Variants in NCOR1 observed in about 807,000 individuals in gnomAD.
The protein encoded by NCOR1 is nuclear receptor corepressor 1.
In NCOR1, 63 loss-of-function variants were observed where a neutral mutation model predicts 288.1. The observed-to-expected ratio is 0.22, with a 90% CI of 0.18 to 0.27. NCOR1 has a LOEUF of 0.27. Ranked by LOEUF, NCOR1 falls within the 10% of genes least tolerant of loss-of-function variation. The pLI is 1.00. For missense variants in NCOR1, 2,397 were observed against 3,019.2 expected, an observed-to-expected ratio of 0.79 and a Z score of 4.83; for synonymous variants, 1,007 against 1,065.9, an observed-to-expected ratio of 0.94 and a Z score of 1.08.
chr17:16,087,676 G>A (rs1460136455), intron 22 of NCOR1, among the ~76,000 whole-genome samples: 3 of 152,202 alleles, frequency 2.0e-5, no homozygotes, highest in Admixed American at 2.0e-4. Flanking sequence ...AATCTGGCCT[G>A]ACTGGAGGTT....
intron 1 of NCOR1, among the ~76,000 whole-genome samples, chr17:16,212,133 C>T (rs1270172331): frequency 1.3e-5 from 2 of 152,090 alleles, no homozygotes; most frequent in South Asian, 2.1e-4. Flanking sequence ...GGCATGGTGG[C>T]GCATGCCTGT....
Position 16,126,189 on chromosome 17 carries a change from C to T in NCOR1, c.1527G>A (p.Ser509=), listed in dbSNP as rs748352828. ...RGRNQQIARP[S]QEEKVEEKEE... is the part of the protein sequence containing the mutation. ...CTTTTTCTTCTACTTTTTCTTCTTG[C>T]GAGGGTCGAGCAATTTGCTGCTAGA... Residue 509 remains serine, a synonymous_variant, in exon 15 of 46, where the codon TCG becomes TCA. Coordinates refer to ENST00000268712, the MANE Select transcript of NCOR1 (RefSeq NM_006311.4). 1.3e-5 allele frequency: 19 copies of T among 1,519,498 alleles called. No individual in the cohort carries two copies. The highest frequency in any genetic ancestry group is 6.9e-5 in the South Asian group (5 of 72,486). The allele number at this position is 1,519,498 out of a possible 1,614,324, so 94.1% of individuals were successfully genotyped here. A position where few individuals can be genotyped will look rare whatever the true frequency, so the allele number is the denominator to read the frequency against.
At chr17:16,150,900 C>G (rs1172949839) in intron 8 of NCOR1, among the ~76,000 whole-genome samples, 1 of 152,004 alleles carries the variant, frequency 6.6e-6, no homozygotes, top group East Asian at 1.9e-4. Flanking sequence ...TTATTATGAA[C>G]CACTTACTTA....
intron 26 of NCOR1, among the ~76,000 whole-genome samples, chr17:16,077,553 A>C (rs1387612114): frequency 6.4e-5 from 1 of 15,668 alleles, no homozygotes; most frequent in Admixed American, 1.0e-3. Context: ...AGGAGAGGAT[A>C]GGGGAGGGGA....
chr17:16,158,287 C>T (rs2080153942), intron 6 of NCOR1, among the ~76,000 whole-genome samples: 1 of 152,116 alleles, frequency 6.6e-6, no homozygotes, highest in African/African-American at 2.4e-5. Flanking sequence ...AACTTTTTAA[C>T]TGAAGTTCAA....
rs2060631365 is a variant in NCOR1 at position 16,062,348 on chromosome 17, G to GT, written c.5222-79dup. On this transcript the variant is annotated intron_variant, in intron 35 of 45. Transcript: ENST00000268712. ...CAAAAGGAAGCAATGCTTATGGATTGTTTATTTCCTAACATACCTAAATAG... is the reference window on the plus strand; with the variant it reads ...CAAAAGGAAGCAATGCTTATGGATTGTTTTATTTCCTAACATACCTAAATAG... The GT allele has an allele frequency of 1.2e-5, 17 of 1,378,378 alleles. No homozygotes were observed. The East Asian group carries it at 4.3e-4, about 35-fold the overall frequency. 85.4% of individuals were successfully genotyped at this position (1,378,378 alleles called of 1,614,324 possible). A position where few individuals can be genotyped will look rare whatever the true frequency, so the allele number is the denominator to read the frequency against.
At position 16,098,433 on chromosome 17, in the gene NCOR1, A is replaced by C. The variant is rs751600576; in HGVS notation, c.2754T>G (p.Ser918=). The part of the protein sequence containing the change: ...LNPTGSILVS[S]PLKPNPLDLP... ...GATCCAGTGGATTTGGTTTTAACGG[A>C]GATGAGACGAGTATAGATCCAGTGG... Residue 918 remains serine, a synonymous_variant, in exon 21 of 46, where the codon TCT becomes TCG. Coordinates refer to ENST00000268712, the MANE Select transcript of NCOR1 (RefSeq NM_006311.4). 1.9e-6 allele frequency: 3 copies of C among 1,614,060 alleles called. No individual in the cohort carries two copies. The South Asian group carries it at 3.3e-5, about 18-fold the overall frequency.
At chr17:16,127,996 T>C (rs1408400930) in intron 14 of NCOR1, among the ~76,000 whole-genome samples, 2 of 151,816 alleles carry the variant, frequency 1.3e-5, no homozygotes, top group Non-Finnish European at 2.9e-5. Flanking sequence ...GGGCTACAGG[T>C]CTCAAACTCC....
rs533877511 is a variant in NCOR1 at position 16,053,614 on chromosome 17, C to A, written c.6392+3900G>T. On this transcript the variant is annotated intron_variant, in intron 40 of 45. Coordinates refer to ENST00000268712, the MANE Select transcript of NCOR1 (RefSeq NM_006311.4). ...AATCAATATCATTAAAATGGCCGTA[C>A]TGCCCAATGCAATTCACAAATTCAA... 1.6e-4 allele frequency among the ~76,000 whole-genome samples: 24 copies of A among 152,282 alleles called. No homozygotes were observed. The South Asian group carries it at 3.9e-3, about 25-fold the overall frequency.
At chr17:16,173,931 C>CA (rs941245543) in intron 3 of NCOR1, among the ~76,000 whole-genome samples, 62 of 137,242 alleles carry the variant, frequency 4.5e-4, no homozygotes, top group Middle Eastern at 3.7e-3. Flanking sequence ...AACTCCATCT[C>CA]AAAAAAAAAA....
intron 3 of NCOR1, among the ~76,000 whole-genome samples, chr17:16,183,728 A>T (rs998952954): frequency 9.2e-5 from 14 of 152,184 alleles, no homozygotes; most frequent in Non-Finnish European, 1.6e-4. Flanking sequence ...TCACAGAAAT[A>T]GAAAAAACAA....
At chr17:16,055,819 T>A (rs2059846550) in intron 40 of NCOR1, among the ~76,000 whole-genome samples, 1 of 152,264 alleles carries the variant, frequency 6.6e-6, no homozygotes, top group Non-Finnish European at 1.5e-5. Flanking sequence ...TTCTTTTCTT[T>A]TTTTGGTTTT....
Position 16,139,109 on chromosome 17 carries a change from G to A in NCOR1, c.1251C>T (p.Phe417=). Residue 417 remains phenylalanine, a synonymous_variant, in exon 12 of 46, where the codon TTC becomes TTT. Transcript: ENST00000268712. Reference sequence around the variant, plus strand: ...CCTCCATAAGCCCATTCATGTTAATGAACTTGACTCGTCTTTGTTCTGCAT... The same window carrying A: ...CCTCCATAAGCCCATTCATGTTAATAAACTTGACTCGTCTTTGTTCTGCAT... ...MFDAEQRRVK[F]INMNGLMEDP... 6.2e-7 allele frequency: 1 copy of A among 1,613,500 alleles called. No homozygotes were observed. Among genetic ancestry groups the A allele is most frequent in the South Asian group, 1.1e-5 (1 of 91,010 alleles).
chr17:16,196,824 CA>C (rs35922115), intron 1 of NCOR1, among the ~76,000 whole-genome samples: 49,048 of 90,740 alleles, frequency 0.54, 9,142 homozygotes, highest in Middle Eastern at 0.64. Context: ...GACTCTGTCT[CA>C]AAAAAAAAAA....
chr17:16,108,748 T>C lies in NCOR1; in HGVS notation c.2182+38A>G, dbSNP rs368534667. ...ATGACTAAAAATTATTTATTCTGGA[T>C]AGCAGATGTCACAACTAAATTTAAA... is the stretch of plus-strand genomic sequence containing the variant. On this transcript the variant is annotated intron_variant, in intron 19 of 45. Coordinates refer to ENST00000268712, the MANE Select transcript of NCOR1 (RefSeq NM_006311.4). 1,618 of 1,555,240 alleles carry C rather than the reference T, an allele frequency of 1.0e-3. 1 individual carries two copies. Among genetic ancestry groups the C allele is most frequent in the Non-Finnish European group, 1.4e-3 (1,553 of 1,148,498 alleles).
intron 21 of NCOR1, among the ~76,000 whole-genome samples, chr17:16,092,772 C>T (rs111983692): frequency 0.029 from 4,064 of 140,104 alleles, 216 homozygotes; most frequent in African/African-American, 0.1. Context: ...AATCTTGGCT[C>T]GCTGCAACGT....
chr17:16,204,048 T>C (rs1386674297), intron 1 of NCOR1, among the ~76,000 whole-genome samples: 2 of 152,190 alleles, frequency 1.3e-5, no homozygotes, highest in Non-Finnish European at 2.9e-5. Flanking sequence ...TAACCCCATC[T>C]GTATTAAAAT....
rs1236163980 is a variant in NCOR1, at chr17:16,126,196, C to G, written c.1520G>C (p.Arg507Pro). Residue 507 changes from arginine (R) to proline (P), a missense_variant, in exon 15 of 46, where the codon CGA becomes CCA. Physicochemically the swap from Arg to Pro is moderately radical, Grantham distance 103. This residue lies in a region of NCOR1 where 113 missense variants were observed against 139.5 expected (regional missense o/e 0.81). Transcript: ENST00000268712. Reference protein sequence around the residue: ...KRRGRNQQIARPSQEEKVEEK... With the variant: ...KRRGRNQQIAPPSQEEKVEEK... Reference sequence around the variant, plus strand: ...TTCTACTTTTTCTTCTTGCGAGGGTCGAGCAATTTGCTGCTAGAATGAACC... The same window carrying G: ...TTCTACTTTTTCTTCTTGCGAGGGTGGAGCAATTTGCTGCTAGAATGAACC... 1 of 1,512,416 alleles carries G rather than the reference C, an allele frequency of 6.6e-7. No individual in the cohort carries two copies. Among genetic ancestry groups the G allele is most frequent in the Non-Finnish European group, 8.8e-7 (1 of 1,135,426 alleles). 93.7% of individuals were successfully genotyped at this position (1,512,416 alleles called of 1,614,324 possible).
chr17:16,136,322 A>T (rs1324597882), intron 14 of NCOR1, among the ~76,000 whole-genome samples: 1 of 152,072 alleles, frequency 6.6e-6, no homozygotes, highest in African/African-American at 2.4e-5. Flanking sequence ...TGTATCTAGG[A>T]CTACAGGCAT....
Sources: allele counts gnomAD v4.1 joint callset (sites outside exome capture counted in the v4.1 genomes callset), GRCh38; gene constraint gnomAD v4.1.1; regional missense constraint gnomAD v4.1.1; transcripts MANE v1.5; gene names NCBI Gene and HGNC (gene_info 2026-07-23, HGNC 2026-07-21).